The following NRG1 variants were observed in gnomAD, a reference collection of about 807,000 sequenced individuals.
NRG1 encodes neuregulin 1.
NRG1 carries 18 observed loss-of-function variants against 63.8 expected under a neutral mutation model. The ratio of observed to expected loss-of-function variants is 0.28; its 90% CI spans 0.19 to 0.42. The LOEUF is 0.42. Ranked by LOEUF, NRG1 falls within the 10% of genes least tolerant of loss-of-function variation. The pLI is 1.00. For missense variants in NRG1, 762 were observed against 814.7 expected (o/e 0.94, Z 0.79); for synonymous variants, 302 against 301.3 (o/e 1.00, Z -0.02).
chr8:32,047,027 A>G (rs1489750124), intron 1 of NRG1, among the ~76,000 whole-genome samples: 3 of 152,070 alleles, frequency 2.0e-5, no homozygotes, highest in African/African-American at 7.2e-5. Context: ...TTCTCTGGCT[A>G]CACTCATTTT....
At chr8:31,982,773 A>G (rs1586247786) in intron 1 of NRG1, among the ~76,000 whole-genome samples, 9 of 152,018 alleles carry the variant, frequency 5.9e-5, no homozygotes, top group Admixed American at 5.2e-4. Context: ...AGAAACTGCT[A>G]TTTTTTTCAT....
chr8:31,667,320 A>G (rs562360926), intron 1 of NRG1, among the ~76,000 whole-genome samples: 3 of 152,130 alleles, frequency 2.0e-5, no homozygotes, highest in Non-Finnish European at 4.4e-5. Flanking sequence ...CAGAGGTTGG[A>G]GTTTGTGGCT....
chr8:31,898,017 CAAAAAAAAA>C (rs34246447), intron 1 of NRG1, among the ~76,000 whole-genome samples: 1 of 125,898 alleles, frequency 7.9e-6, no homozygotes, highest in Admixed American at 8.2e-5. Context: ...AATTCTATCT[CAAAAAAAAA>C]AAAAAAAAAG....
chr8:31,984,253 T>TA (rs1809656584), intron 1 of NRG1, among the ~76,000 whole-genome samples: 1 of 152,110 alleles, frequency 6.6e-6, no homozygotes, highest in African/African-American at 2.4e-5. Context: ...GTAAAAATGA[T>TA]AAAATTATTG....
At chr8:32,318,809 T>C (rs1282069160) in intron 1 of NRG1, among the ~76,000 whole-genome samples, 1 of 152,154 alleles carries the variant, frequency 6.6e-6, no homozygotes, top group Non-Finnish European at 1.5e-5. Context: ...TCAGTATCCA[T>C]TACACCTGGT....
chr8:32,295,906 C>T (rs1462422242), intron 1 of NRG1, among the ~76,000 whole-genome samples: 2 of 145,364 alleles, frequency 1.4e-5, no homozygotes, highest in East Asian at 2.1e-4. Context: ...CATTGCACTC[C>T]AGCCTGGGTG....
chr8:31,821,537 G>A (rs1036976631), intron 1 of NRG1, among the ~76,000 whole-genome samples: 1 of 152,142 alleles, frequency 6.6e-6, no homozygotes, highest in African/African-American at 2.4e-5. Flanking sequence ...TTGTGAGGCT[G>A]AAGTACCTCA....
intron 1 of NRG1, among the ~76,000 whole-genome samples, chr8:31,832,563 AT>A (rs540589027): frequency 1.0e-4 from 15 of 150,540 alleles, no homozygotes; most frequent in African/African-American, 2.2e-4. Flanking sequence ...CCAACCATAG[AT>A]TTTTTTTTTC....
chr8:32,280,702 T>TG (rs1340294650), intron 1 of NRG1, among the ~76,000 whole-genome samples: 7 of 115,694 alleles, frequency 6.1e-5, no homozygotes, highest in African/African-American at 1.1e-4. Flanking sequence ...TTTTTTTTTT[T>TG]TTTTTTTTTT....
intron 1 of NRG1, among the ~76,000 whole-genome samples, chr8:31,737,159 G>A (rs984553871): frequency 3.3e-5 from 5 of 152,094 alleles, no homozygotes; most frequent in African/African-American, 1.2e-4. Context: ...GTATCTGAGA[G>A]CCTAGAAGTG....
intron 1 of NRG1, among the ~76,000 whole-genome samples, chr8:32,083,760 G>A (rs1827836896): frequency 6.9e-6 from 1 of 145,580 alleles, no homozygotes. Context: ...CTTATTTCAT[G>A]TCATGTGATA....
chr8:32,632,247 C>A (rs779927098), intron 5 of NRG1, among the ~76,000 whole-genome samples: 1 of 152,054 alleles, frequency 6.6e-6, no homozygotes, highest in Non-Finnish European at 1.5e-5. Context: ...CTTCACTAGA[C>A]GTGCCTTAAT....
intron 1 of NRG1, among the ~76,000 whole-genome samples, chr8:32,210,591 C>G (rs552882927): frequency 3.3e-5 from 5 of 152,294 alleles, no homozygotes; most frequent in Admixed American, 1.3e-4. Flanking sequence ...ACAACCAGCT[C>G]TGAGACTTTG....
chr8:31,902,954 ACC>A (rs1832212388), intron 1 of NRG1, among the ~76,000 whole-genome samples: 2 of 152,144 alleles, frequency 1.3e-5, no homozygotes, highest in African/African-American at 4.8e-5. Flanking sequence ...TAGAACTTCT[ACC>A]TTGTTCTCCC....
At chr8:32,637,569 G>GT (rs1851570893) in intron 5 of NRG1, among the ~76,000 whole-genome samples, 1 of 152,000 alleles carries the variant, frequency 6.6e-6, no homozygotes, top group African/African-American at 2.4e-5. Context: ...ATAATTTTTG[G>GT]TACAGTTTGT....
chr8:31,943,950 A>G (rs1802147090), intron 1 of NRG1, among the ~76,000 whole-genome samples: 1 of 152,188 alleles, frequency 6.6e-6, no homozygotes, highest in African/African-American at 2.4e-5. Flanking sequence ...TCTGTGGCCT[A>G]AGATATTCTT....
chr8:32,227,003 G>T (rs962059265), intron 1 of NRG1, among the ~76,000 whole-genome samples: 21 of 152,154 alleles, frequency 1.4e-4, no homozygotes, highest in African/African-American at 5.1e-4. Context: ...GTTTGAGAAA[G>T]TAGTATTTTG....
At chr8:32,673,943 G>A (rs1352756930) in intron 5 of NRG1, among the ~76,000 whole-genome samples, 1 of 152,072 alleles carries the variant, frequency 6.6e-6, no homozygotes, top group African/African-American at 2.4e-5. Context: ...ACTTTTATCA[G>A]GCTAAAATTT....
At chr8:31,994,254 A>G (rs113378361) in intron 1 of NRG1, among the ~76,000 whole-genome samples, 5,415 of 152,060 alleles carry the variant, frequency 0.036, 130 homozygotes, top group Non-Finnish European at 0.056. Context: ...GAAGGAACCC[A>G]ATGGATGGAC....
Sources: gnomAD v4.1 joint callset for allele counts (sites outside exome capture counted in the v4.1 genomes callset) on GRCh38, gnomAD v4.1.1 for gene constraint, MANE v1.5 for transcripts, NCBI Gene and HGNC (gene_info 2026-07-23, HGNC 2026-07-21) for gene names.